TRIM16: variants seen among roughly 807,000 people sequenced by gnomAD.
TRIM16 encodes the protein tripartite motif-containing protein 16.
A neutral mutation model predicts 50.4 loss-of-function variants in TRIM16; 33 were observed. The observed-to-expected ratio is 0.65, with a 90% confidence interval of 0.50 to 0.88. The LOEUF (loss-of-function observed/expected upper bound fraction) is 0.88. TRIM16 is among the 40% of genes least tolerant of loss of function. TRIM16 has a pLI of 0.00. For missense variants in TRIM16, 581 were observed against 686.8 expected (o/e 0.85, Z 1.72); for synonymous variants, 229 against 270.7 (o/e 0.85, Z 1.51).
In TRIM16 at chr17:15,635,819, C is replaced by T. The variant is rs370168613; in HGVS notation, c.849+217G>A. On this transcript the variant is annotated intron_variant, in intron 9 of 11. Transcript: ENST00000649191. ...TGCACGTTGAACCTGACTCATCTTC[C>T]GGGACCTGCTTCAAGCTTCCCTGCT... is the stretch of plus-strand genomic sequence containing the variant. Among the ~76,000 whole-genome samples the T allele has an allele frequency of 4.8e-4, 64 of 133,950 alleles. 2 individuals are homozygous for T. In the South Asian group the frequency reaches 0.017, roughly 35 times the overall value. 87.9% of individuals were successfully genotyped at this position (133,950 alleles called of 152,430 possible). A position where few individuals can be genotyped will look rare whatever the true frequency, so the allele number is the denominator to read the frequency against.
chr17:15,670,543 A>G (rs1484675406), intron 6 of TRIM16, among the ~76,000 whole-genome samples: 10 of 152,176 alleles, frequency 6.6e-5, no homozygotes, highest in African/African-American at 1.2e-4. Flanking sequence ...CCTCACCCCA[A>G]ATAGCACGGG....
intron 6 of TRIM16, among the ~76,000 whole-genome samples, chr17:15,673,138 G>T (rs1988790948): frequency 1.3e-5 from 2 of 152,176 alleles, no homozygotes. Context: ...AACTATGTTT[G>T]GAAATGACCT....
intron 6 of TRIM16, among the ~76,000 whole-genome samples, chr17:15,661,184 T>C (rs968986174): frequency 6.6e-6 from 1 of 152,236 alleles, no homozygotes; most frequent in Non-Finnish European, 1.5e-5. Flanking sequence ...AAAATGGGGA[T>C]GTAGTATCTG....
chr17:15,680,740 C>T (rs2151431831), intron 4 of TRIM16, 125 bp downstream of exon 4: 1 of 1,104,184 alleles, frequency 9.1e-7, no homozygotes, highest in East Asian at 2.6e-5. Context: ...ATGTGGTTGA[C>T]AAGCTTCATG....
At chr17:15,662,780 T>C (rs1241664079) in intron 6 of TRIM16, among the ~76,000 whole-genome samples, 8 of 152,152 alleles carry the variant, frequency 5.3e-5, no homozygotes, top group Admixed American at 5.2e-4. Context: ...CTTAATGAGA[T>C]TGGGTAACTG....
chr17:15,675,923 A>T (rs1380324851), intron 6 of TRIM16, among the ~76,000 whole-genome samples: 1 of 151,020 alleles, frequency 6.6e-6, no homozygotes, highest in East Asian at 1.9e-4. Context: ...GCTCTCTTGT[A>T]ACTCTTTTTG....
chr17:15,647,816 TACAC>T (rs558765410), intron 7 of TRIM16, among the ~76,000 whole-genome samples: 3,995 of 139,184 alleles, frequency 0.029, 117 homozygotes, highest in East Asian at 0.13. Context: ...CCAGATTTCA[TACAC>T]ACACACACAC....
At chr17:15,680,433 G>T (rs1002341550) in intron 4 of TRIM16, among the ~76,000 whole-genome samples, 2 of 151,618 alleles carry the variant, frequency 1.3e-5, no homozygotes, top group African/African-American at 4.9e-5. Flanking sequence ...GCAGATGCAA[G>T]CAAGAAATGC....
intron 8 of TRIM16, among the ~76,000 whole-genome samples, chr17:15,637,375 C>T (rs1250856404): frequency 4.3e-5 from 5 of 116,794 alleles, no homozygotes; most frequent in Non-Finnish European, 7.1e-5. Context: ...CCCGGCCAGC[C>T]GCCCCGTCCG....
intron 3 of TRIM16, among the ~76,000 whole-genome samples, chr17:15,681,583 C>G (rs1231566638): frequency 6.6e-6 from 1 of 152,290 alleles, no homozygotes; most frequent in East Asian, 1.9e-4. Context: ...ATGAATGAGC[C>G]CTAAATTCCC....
chr17:15,646,044 A>G (rs1478475087), intron 7 of TRIM16, among the ~76,000 whole-genome samples: 1 of 152,216 alleles, frequency 6.6e-6, no homozygotes, highest in African/African-American at 2.4e-5. Flanking sequence ...CACGGCATCT[A>G]AACAGCAGGG....
At chr17:15,643,609 G>A (rs1409152535) in intron 7 of TRIM16, among the ~76,000 whole-genome samples, 2 of 149,114 alleles carry the variant, frequency 1.3e-5, no homozygotes, top group South Asian at 2.1e-4. Flanking sequence ...TGTTCTCAGG[G>A]TCTCCTGAGA....
Position 15,628,593 on chromosome 17 carries a change from T to A in TRIM16, c.*22A>T, listed in dbSNP as rs1452461985. ...ATCCCATCACTGTAGCTGGCAAAGG[T>A]CTGGGATATGGCTCCTGGAGTCTAG... is the stretch of plus-strand genomic sequence containing the variant. On this transcript the variant is annotated 3_prime_UTR_variant, in exon 12 of 12. Transcript: ENST00000649191. 1.9e-6 allele frequency: 3 copies of A among 1,566,972 alleles called. No individual in the cohort carries two copies. The highest frequency in any genetic ancestry group is 2.6e-6 in the Non-Finnish European group (3 of 1,153,378).
rs575471865 is a variant in TRIM16 at position 15,653,054 on chromosome 17, TA to T, written c.-337-1109del. On this transcript the variant is annotated intron_variant, in intron 6 of 11. Coordinates refer to ENST00000649191, the MANE Select transcript of TRIM16 (RefSeq NM_001348119.1). Reference sequence around the variant, plus strand: ...GGCCTGGTGGGAGGTGTTTGGGTCATAGGGGTGGATCCCTCATGAACGGCTC... The same window carrying T: ...GGCCTGGTGGGAGGTGTTTGGGTCATGGGGTGGATCCCTCATGAACGGCTC... Among the ~76,000 whole-genome samples the T allele has an allele frequency of 4.5e-3, 687 of 152,296 alleles. 6 individuals are homozygous for T. The highest frequency in any genetic ancestry group is 0.016 in the African/African-American group (659 of 41,560).
Position 15,639,043 on chromosome 17 carries a change from CTCTT to C in TRIM16, c.616-2778_616-2775del, listed in dbSNP as rs1256902599. Among the ~76,000 whole-genome samples the C allele has an allele frequency of 8.0e-4, 109 of 135,438 alleles. No homozygotes were observed. In the Middle Eastern group the frequency reaches 0.011, roughly 14 times the overall value. The allele number at this position is 135,438 out of a possible 152,430, so 88.9% of individuals were successfully genotyped here. A position where few individuals can be genotyped will look rare whatever the true frequency, so the allele number is the denominator to read the frequency against. On this transcript the variant is annotated intron_variant, in intron 8 of 11. Coordinates refer to ENST00000649191, the MANE Select transcript of TRIM16 (RefSeq NM_001348119.1). ...CAGACAATCTCCCTACATTCTCTCT[CTCTT>C]TTTTTTTTTTTTTTTTTTTTTTTTT...
rs1987679632 is a variant in TRIM16, at chr17:15,651,205, G to C, written c.405C>G (p.His135Gln). 1 of 1,614,142 alleles carries C rather than the reference G, an allele frequency of 6.2e-7. No individual in the cohort carries two copies. The highest frequency in any genetic ancestry group is 8.5e-7 in the Non-Finnish European group (1 of 1,180,054). ...GGCAGCAGAAGGCAGACAGTGGGCT[G>C]TGGTGGGCAGGGCAGTATCGCCAGT... ...DHNWRYCPAHHSPLSAFCCPD... is the reference protein window; with the variant it reads ...DHNWRYCPAHQSPLSAFCCPD... Residue 135 changes from histidine (H) to glutamine (Q), a missense_variant, in exon 7 of 12, where the codon CAC (histidine) becomes CAG (glutamine). Physicochemically the swap from His to Gln is conservative, Grantham distance 24 (BLOSUM62 0). Around this residue, in one of 3 missense-constraint regions of TRIM16, gnomAD observed 450 missense variants for 544.3 expected, o/e 0.83. Coordinates refer to ENST00000649191, the MANE Select transcript of TRIM16 (RefSeq NM_001348119.1).
chr17:15,672,065 C>T (rs1988752327), intron 6 of TRIM16, among the ~76,000 whole-genome samples: 1 of 151,966 alleles, frequency 6.6e-6, no homozygotes, highest in East Asian at 1.9e-4. Flanking sequence ...CCTGGGGTCA[C>T]CCTAGTTAGT....
At chr17:15,635,499 A>G (rs1986690153) in intron 9 of TRIM16, among the ~76,000 whole-genome samples, 1 of 143,968 alleles carries the variant, frequency 6.9e-6, no homozygotes, top group Non-Finnish European at 1.5e-5. Context: ...GCCCTCCTCA[A>G]TTACTCCAGC....
intron 6 of TRIM16, among the ~76,000 whole-genome samples, chr17:15,671,588 A>C (rs1988733121): frequency 6.6e-6 from 1 of 151,958 alleles, no homozygotes; most frequent in Admixed American, 6.6e-5. Context: ...ATGACTTTTC[A>C]TTGAAAAACT....
Sources: allele counts gnomAD v4.1 joint callset (sites outside exome capture counted in the v4.1 genomes callset), GRCh38; gene constraint gnomAD v4.1.1; regional missense constraint gnomAD v4.1.1; transcripts MANE v1.5; gene names NCBI Gene and HGNC (gene_info 2026-07-23, HGNC 2026-07-21).